MUC4: variants seen among roughly 807,000 people sequenced by gnomAD.
MUC4 encodes mucin 4, cell surface associated.
A neutral mutation model predicts 257.9 loss-of-function variants in MUC4; 202 were observed. The observed-to-expected ratio is 0.78, with a 90% CI of 0.70 to 0.88. The LOEUF (loss-of-function observed/expected upper bound fraction) is 0.88, where lower values mean the gene tolerates loss of function less well. Ranked by LOEUF, MUC4 falls within the 40% of genes least tolerant of loss-of-function variation. The probability of loss-of-function intolerance (pLI) is 0.00; values close to 1 mark genes in which losing one functional copy is unlikely to be tolerated. For synonymous variants in MUC4, 2,351 were observed against 2,757.1 expected, an observed-to-expected ratio of 0.85 and a Z score of 4.62; for missense variants, 5,976 against 6,513.7, an observed-to-expected ratio of 0.92 and a Z score of 2.84.
In MUC4 at chr3:195,747,269, CAGCAAGA is replaced by C; in HGVS notation, c.16139_16145del (p.Leu5380ArgfsTer24). 6.2e-7 allele frequency: 1 copy of C among 1,614,256 alleles called. No homozygotes were observed. The highest frequency in any genetic ancestry group is 1.1e-5 in the South Asian group (1 of 91,088). On this transcript the variant is annotated frameshift_variant, in exon 25 of 25. Transcript: ENST00000463781. LOFTEE classifies it low-confidence loss of function (END_TRUNC). ...GGACCACGAACGTCCCGACCCCCAGCAGCAAGAGGCCGCCCAGGGCCCCAAAGAAGAT... is the reference window on the plus strand; with the variant it reads ...GGACCACGAACGTCCCGACCCCCAGCGGCCGCCCAGGGCCCCAAAGAAGAT...
intron 18 of MUC4, among the ~76,000 whole-genome samples, chr3:195,756,289 A>T (rs1717626545): frequency 6.6e-6 from 1 of 152,164 alleles, no homozygotes; most frequent in African/African-American, 2.4e-5. Flanking sequence ...TCTGAAGGGG[A>T]AGTGGGGCGG....
rs763552638 is a variant in MUC4 at position 195,781,519 on chromosome 3, G to C, written c.10061C>G (p.Ser3354Cys). ...AGGAAGAGGGGTGGCGTGACCTGTGGATACTGAGGAAGTGTCGGTGACAGG... is the reference window on the plus strand; with the variant it reads ...AGGAAGAGGGGTGGCGTGACCTGTGCATACTGAGGAAGTGTCGGTGACAGG... ...PVPVTDTSSVSTGHATPLPVT... is the reference protein window; with the variant it reads ...PVPVTDTSSVCTGHATPLPVT... Residue 3354 changes from serine to cysteine, a missense_variant, in exon 2 of 25, where the codon TCC becomes TGC. Physicochemically the swap from Ser to Cys is moderately radical, Grantham distance 112. Transcript: ENST00000463781. 113 of 1,509,844 alleles carry C rather than the reference G, an allele frequency of 7.5e-5. 2 individuals carry two copies. In the African/African-American group the frequency reaches 1.6e-3, roughly 22 times the overall value. The allele number at this position is 1,509,844 out of a possible 1,614,324, so 93.5% of individuals were successfully genotyped here. A position where few individuals can be genotyped will look rare whatever the true frequency, so the allele number is the denominator to read the frequency against.
chr3:195,782,543 C>G lies in MUC4; in HGVS notation c.9037G>C (p.Asp3013His), dbSNP rs756096280. 1 of 1,449,540 alleles carries G rather than the reference C, an allele frequency of 6.9e-7. No homozygotes were observed. The highest frequency in any genetic ancestry group is 1.9e-5 in the African/African-American group (1 of 52,224). 89.8% of individuals were successfully genotyped at this position (1,449,540 alleles called of 1,614,324 possible). The change falls in exon 2 of 25, where the codon GAC (aspartate) becomes CAC (histidine). Residue 3013 changes from aspartate (D) to histidine (H), a missense_variant. Asp to His is a moderately conservative substitution (Grantham distance 81). Transcript: ENST00000463781. Reference protein sequence around the residue: ...IGHATSLPVTDTSSISTGHAT... With the variant: ...IGHATSLPVTHTSSISTGHAT... ...TGACCTGTGGATATTGAGGAAGTGT[C>G]GGTGACAGGAAGAGAGGTGGCGTGA...
Position 195,786,862 on chromosome 3 carries a change from C to G in MUC4, c.4718G>C (p.Ser1573Thr), listed in dbSNP as rs779843295. Residue 1573 changes from serine (S) to threonine (T), a missense_variant, in exon 2 of 25, where the codon AGC becomes ACC. Ser to Thr is a moderately conservative substitution (Grantham distance 58). This residue lies in a region of MUC4 where 63 missense variants were observed against 68.8 expected (regional missense o/e 0.92). Coordinates refer to ENST00000463781, the MANE Select transcript of MUC4 (RefSeq NM_018406.7). The part of the protein sequence containing the change: ...TGHTTPLPVT[S>T]PSSASTGHTT... ...GTGACCTGTAGATGCTGAGGAAGGG[C>G]TGGTGACAGGAAGAGGGGTGGTGTG... 3 of 1,520,892 alleles carry G rather than the reference C, an allele frequency of 2.0e-6. No homozygotes were observed. The highest frequency in any genetic ancestry group is 2.5e-5 in the East Asian group (1 of 40,014). 94.2% of individuals were successfully genotyped at this position (1,520,892 alleles called of 1,614,324 possible).
intron 4 of MUC4, among the ~76,000 whole-genome samples, chr3:195,772,112 C>A (rs1723014398): frequency 6.6e-6 from 1 of 152,160 alleles, no homozygotes; most frequent in Non-Finnish European, 1.5e-5. Context: ...TTGGCCAGTC[C>A]CCTGGGCCCC....
In MUC4 at chr3:195,760,876, C is replaced by A; in HGVS notation, c.14848+8G>T. ...TGAAAAGGCCTCCCCAGGCCTCGGGCCACTTACTGAGGGTGGCGTTCGCCT... is the reference window on the plus strand; with the variant it reads ...TGAAAAGGCCTCCCCAGGCCTCGGGACACTTACTGAGGGTGGCGTTCGCCT... On this transcript the variant is annotated splice_region_variant and intron_variant, in intron 16 of 24. Coordinates refer to ENST00000463781, the MANE Select transcript of MUC4 (RefSeq NM_018406.7). 1 of 1,613,484 alleles carries A rather than the reference C, an allele frequency of 6.2e-7. No homozygotes were observed. The highest frequency in any genetic ancestry group is 1.1e-5 in the South Asian group (1 of 91,058).
intron 6 of MUC4, among the ~76,000 whole-genome samples, 192 bp downstream of exon 6, chr3:195,770,024 C>T (rs561103852): frequency 4.1e-5 from 6 of 146,110 alleles, no homozygotes; most frequent in Admixed American, 1.4e-4. Context: ...GGCAAAGGGC[C>T]GAGACAGGCC....
At chr3:195,769,250 G>A (rs1722283509) in intron 6 of MUC4, 98 bp from the exon 7 acceptor site, 20 of 1,498,052 alleles carry the variant, frequency 1.3e-5, no homozygotes, top group East Asian at 2.4e-5. Flanking sequence ...GCTCTGACAC[G>A]CACAGCACCT....
chr3:195,774,499 T>G (rs1238575505), intron 3 of MUC4, among the ~76,000 whole-genome samples, 194 bp from the exon 4 acceptor site: 8 of 152,166 alleles, frequency 5.3e-5, no homozygotes, highest in Non-Finnish European at 1.0e-4. Context: ...TTTTACTCCC[T>G]AAACTGCGCC....
chr3:195,753,981 T>A, intron 19 of MUC4: 1 of 483,970 alleles, frequency 2.1e-6, no homozygotes, highest in Admixed American at 4.1e-5. Flanking sequence ...CTGTACAACC[T>A]CTTCTCCTTC....
intron 16 of MUC4, 92 bp from the exon 17 acceptor site, chr3:195,759,353 C>G: frequency 6.6e-7 from 1 of 1,505,516 alleles, no homozygotes; most frequent in Non-Finnish European, 9.0e-7. Context: ...ATGTGTGAGG[C>G]ATTCCCAGGA....
chr3:195,770,715 G>A (rs990082149), intron 5 of MUC4: 39 of 424,330 alleles, frequency 9.2e-5, no homozygotes, highest in Admixed American at 4.6e-4. Flanking sequence ...GAGAACAGGC[G>A]TGAGTCTCTT....
In MUC4 at chr3:195,751,276, G is replaced by T. The variant is rs776111990; in HGVS notation, c.15583-5C>A. 1.9e-6 allele frequency: 3 copies of T among 1,601,642 alleles called. No homozygotes were observed. In the African/African-American group the frequency reaches 4.0e-5, roughly 21 times the overall value. On this transcript the variant is annotated splice_region_variant and splice_polypyrimidine_tract_variant and intron_variant, in intron 21 of 24. Coordinates refer to ENST00000463781, the MANE Select transcript of MUC4 (RefSeq NM_018406.7). ...GGTCCCCAGTCTGTATGCCACCTAG[G>T]TTAGAGGATGGCAGATGGGGGTGGG...
intron 3 of MUC4, among the ~76,000 whole-genome samples, chr3:195,776,039 G>C (rs1422618162): frequency 1.3e-4 from 3 of 22,728 alleles, no homozygotes; most frequent in African/African-American, 2.5e-4. Flanking sequence ...ACCTTCCACG[G>C]CCATAACTTC....
In MUC4 at chr3:195,789,820, G is replaced by A. The variant is rs1405596540; in HGVS notation, c.1760C>T (p.Thr587Ile). 6.2e-7 allele frequency: 1 copy of A among 1,613,890 alleles called. No individual in the cohort carries two copies. Among genetic ancestry groups the A allele is most frequent in the South Asian group, 1.1e-5 (1 of 91,064 alleles). The change falls in exon 2 of 25, where the codon ACT (threonine) becomes ATT (isoleucine). Residue 587 changes from threonine to isoleucine, a missense_variant. Coordinates refer to ENST00000463781, the MANE Select transcript of MUC4 (RefSeq NM_018406.7). ...GGATGTGGCCGTTTTTATCATCTGAGTCACACTGTAGCTTGGGCTGCTGAG... is the reference window on the plus strand; with the variant it reads ...GGATGTGGCCGTTTTTATCATCTGAATCACACTGTAGCTTGGGCTGCTGAG... Reference protein sequence around the residue: ...ALLSSPSYSVTQMIKTATSPS... With the variant: ...ALLSSPSYSVIQMIKTATSPS...
Position 195,782,858 on chromosome 3 carries a change from C to T in MUC4, c.8722G>A (p.Gly2908Ser), listed in dbSNP as rs766328610. The T allele has an allele frequency of 2.0e-6, 3 of 1,523,570 alleles. 1 individual carries two copies. Among genetic ancestry groups the T allele is most frequent in the Non-Finnish European group, 2.7e-6 (3 of 1,128,716 alleles). The allele number at this position is 1,523,570 out of a possible 1,614,324, so 94.4% of individuals were successfully genotyped here. Residue 2908 changes from glycine to serine, a missense_variant, in exon 2 of 25, where the codon GGT becomes AGT. This residue lies in a region of MUC4 where 228 missense variants were observed against 206.3 expected (regional missense o/e 1.11). Transcript: ENST00000463781. ...GTGACAGGAAGAGGCGTGGTGTCACCTGTGGATACTGAGGAAAGGCTGGTG... is the reference window on the plus strand; with the variant it reads ...GTGACAGGAAGAGGCGTGGTGTCACTTGTGGATACTGAGGAAAGGCTGGTG... ...PLTSLSSVST[G>S]DTTPLPVTDT...
chr3:195,801,266 A>T (rs937009443), intron 1 of MUC4, among the ~76,000 whole-genome samples: 1 of 152,098 alleles, frequency 6.6e-6, no homozygotes, highest in African/African-American at 2.4e-5. Flanking sequence ...AAACGCATAA[A>T]CTTGGGGAGC....
At chr3:195,751,139 G>A in intron 22 of MUC4, 27 bp from the exon 23 acceptor site, 4 of 1,526,798 alleles carry the variant, frequency 2.6e-6, no homozygotes, top group East Asian at 2.5e-5. Context: ...CGGTGAGGGG[G>A]GGTGGGGGGC....
chr3:195,749,175 A>G (rs1715819606), intron 23 of MUC4, 111 bp from the exon 24 acceptor site: 3 of 1,338,736 alleles, frequency 2.2e-6, no homozygotes, highest in African/African-American at 1.5e-5. Context: ...TAATTGGAGA[A>G]GTGCACAGAT....
Sources: gnomAD v4.1 joint callset for allele counts (sites outside exome capture counted in the v4.1 genomes callset) on GRCh38, gnomAD v4.1.1 for gene constraint, gnomAD v4.1.1 regional missense constraint, MANE v1.5 for transcripts, NCBI Gene and HGNC (gene_info 2026-07-23, HGNC 2026-07-21) for gene names.